The following SUSD1 variants were observed in gnomAD, a reference collection of about 807,000 sequenced individuals.
SUSD1 encodes sushi domain containing 1.
In SUSD1, 65 loss-of-function variants were observed where a neutral mutation model predicts 86.9. That is an observed-to-expected ratio of 0.75 (90% CI 0.61 to 0.92). The LOEUF is 0.92. SUSD1 is among the 40% of genes least tolerant of loss of function. SUSD1 has a pLI of 0.00. For synonymous variants in SUSD1, 346 were observed against 350.0 expected, an observed-to-expected ratio of 0.99 and a Z score of 0.13; for missense variants, 850 against 929.7, an observed-to-expected ratio of 0.91 and a Z score of 1.11.
chr9:112,086,645 G>C (rs1829999018), intron 10 of SUSD1, among the ~76,000 whole-genome samples: 1 of 152,068 alleles, frequency 6.6e-6, no homozygotes, highest in Non-Finnish European at 1.5e-5. Flanking sequence ...TGAGTTGTCA[G>C]GTAGTGGTAA....
intron 5 of SUSD1, among the ~76,000 whole-genome samples, chr9:112,137,210 C>G (rs1167039588): frequency 6.6e-6 from 1 of 152,062 alleles, no homozygotes; most frequent in African/African-American, 2.4e-5. Context: ...AAACCATGTG[C>G]TCAGAAAGGA....
chr9:112,130,281 G>A (rs969459232), intron 5 of SUSD1, among the ~76,000 whole-genome samples: 6 of 152,106 alleles, frequency 3.9e-5, no homozygotes, highest in Non-Finnish European at 5.9e-5. Context: ...GTTGAGGCAG[G>A]AGGATCGCTT....
intron 1 of SUSD1, among the ~76,000 whole-genome samples, chr9:112,158,538 C>T (rs971160360): frequency 2.0e-5 from 3 of 152,152 alleles, no homozygotes; most frequent in Non-Finnish European, 4.4e-5. Flanking sequence ...ACTACAGGCG[C>T]ACACCACCAC....
intron 15 of SUSD1, chr9:112,042,197 A>G: frequency 6.5e-7 from 1 of 1,530,928 alleles, no homozygotes; most frequent in Non-Finnish European, 8.8e-7. Flanking sequence ...AGACCATGTT[A>G]AAGTTACAAG....
intron 13 of SUSD1, among the ~76,000 whole-genome samples, chr9:112,061,607 T>C (rs1243099399): frequency 6.6e-6 from 1 of 152,188 alleles, no homozygotes; most frequent in Admixed American, 6.5e-5. Flanking sequence ...ACAACTTCTG[T>C]TCTCTTTATA....
chr9:112,050,781 T>C (rs755782287), intron 15 of SUSD1, among the ~76,000 whole-genome samples: 36 of 152,328 alleles, frequency 2.4e-4, no homozygotes, highest in Non-Finnish European at 4.7e-4. Flanking sequence ...ATCCACTGGC[T>C]GGCTGCCTGT....
At chr9:112,045,373 G>A (rs768303275) in intron 15 of SUSD1, among the ~76,000 whole-genome samples, 3 of 152,126 alleles carry the variant, frequency 2.0e-5, no homozygotes, top group African/African-American at 7.2e-5. Context: ...TCCATATCAT[G>A]CATATTCTTG....
chr9:112,052,899 C>T (rs903195076), intron 14 of SUSD1, among the ~76,000 whole-genome samples: 2 of 152,234 alleles, frequency 1.3e-5, no homozygotes, highest in East Asian at 1.9e-4. Flanking sequence ...CACTTAGCAA[C>T]GTCAGTTACC....
intron 1 of SUSD1, among the ~76,000 whole-genome samples, chr9:112,161,103 A>C (rs1191207485): frequency 1.3e-5 from 2 of 152,206 alleles, no homozygotes; most frequent in Non-Finnish European, 2.9e-5. Context: ...AGGGCCAGGC[A>C]CGGTGGCTCA....
In SUSD1 at chr9:112,078,811, CTTTTTTTTTT is replaced by C. The variant is rs71496739; in HGVS notation, c.1567-97_1567-88del. On this transcript the variant is annotated intron_variant, in intron 11 of 16. Transcript: ENST00000374270. ...ACCTCCCCTTTTCCTTTTTCTTTCT[CTTTTTTTTTT>C]TTTTTTTTTGAGATGGGGGCCTCAC... 4.9e-4 allele frequency: 315 copies of C among 641,420 alleles called. 4 individuals carry two copies. The African/African-American group carries it at 7.0e-3, about 14-fold the overall frequency. The allele number at this position is 641,420 out of a possible 1,614,324, so 39.7% of individuals were successfully genotyped here. A position where few individuals can be genotyped will look rare whatever the true frequency, so the allele number is the denominator to read the frequency against.
intron 5 of SUSD1, among the ~76,000 whole-genome samples, chr9:112,141,700 A>T (rs1002942206): frequency 5.5e-5 from 8 of 146,676 alleles, no homozygotes; most frequent in Non-Finnish European, 1.0e-4. Flanking sequence ...ATATATAAAA[A>T]ATATATAATA....
chr9:112,062,951 T>A lies in SUSD1; in HGVS notation c.1836A>T (p.Lys612Asn). 6.2e-7 allele frequency: 1 copy of A among 1,611,680 alleles called. No homozygotes were observed. The highest frequency in any genetic ancestry group is 8.5e-7 in the Non-Finnish European group (1 of 1,178,314). Residue 612 changes from lysine (K) to asparagine (N), a missense_variant, in exon 13 of 17, where the codon AAA (lysine) becomes AAT (asparagine). Lys to Asn is a moderately conservative substitution (Grantham distance 94, BLOSUM62 0). Coordinates refer to ENST00000374270, the MANE Select transcript of SUSD1 (RefSeq NM_022486.5). ...CAGCTACTGACCTGATTGGTCCATT[T>A]TTCTCCTTGGCTTTCCTCAGTCTGA... ...PRLRLRKAKE[K>N]NGPISSYQVL...
At chr9:112,153,908 C>T (rs537317058) in intron 2 of SUSD1, among the ~76,000 whole-genome samples, 2 of 152,178 alleles carry the variant, frequency 1.3e-5, no homozygotes, top group East Asian at 1.9e-4. Flanking sequence ...CCCACCATGC[C>T]TGGCCTATGT....
chr9:112,149,052 T>C (rs1331207149), intron 3 of SUSD1, among the ~76,000 whole-genome samples, 192 bp downstream of exon 3: 2 of 152,176 alleles, frequency 1.3e-5, no homozygotes, highest in Non-Finnish European at 2.9e-5. Context: ...AACACTATTA[T>C]AGATACATCA....
At chr9:112,123,050 G>A (rs1831617021) in intron 6 of SUSD1, among the ~76,000 whole-genome samples, 1 of 152,128 alleles carries the variant, frequency 6.6e-6, no homozygotes, top group South Asian at 2.1e-4. Context: ...AACAAGATTG[G>A]TATACATAAA....
intron 12 of SUSD1, among the ~76,000 whole-genome samples, chr9:112,076,594 G>A (rs920190302): frequency 3.3e-5 from 5 of 152,178 alleles, no homozygotes; most frequent in African/African-American, 1.2e-4. Context: ...GTAGAAGTTG[G>A]GTGGATATAG....
chr9:112,164,335 G>C (rs953172322), intron 1 of SUSD1, among the ~76,000 whole-genome samples: 1 of 152,126 alleles, frequency 6.6e-6, no homozygotes, highest in African/African-American at 2.4e-5. Flanking sequence ...CTAATTCACT[G>C]TGTGACCTTG....
intron 1 of SUSD1, among the ~76,000 whole-genome samples, chr9:112,160,036 A>G (rs1833498994): frequency 6.6e-6 from 1 of 152,090 alleles, no homozygotes; most frequent in African/African-American, 2.4e-5. Flanking sequence ...GAAAAAGAAA[A>G]AAAAAAGAAA....
At chr9:112,146,346 A>C (rs1832809455) in intron 3 of SUSD1, among the ~76,000 whole-genome samples, 1 of 152,178 alleles carries the variant, frequency 6.6e-6, no homozygotes, top group Admixed American at 6.5e-5. Context: ...AACTTTGTGA[A>C]TATACTAAAA....
Sources: allele counts gnomAD v4.1 joint callset (sites outside exome capture counted in the v4.1 genomes callset), GRCh38; gene constraint gnomAD v4.1.1; transcripts MANE v1.5; gene names NCBI Gene and HGNC (gene_info 2026-07-23, HGNC 2026-07-21).